The following GANC variants were observed in gnomAD, a reference collection of about 807,000 sequenced individuals.
The protein encoded by GANC is glucosidase alpha, neutral C, also known as neutral alpha-glucosidase C.
A neutral mutation model predicts 124.2 loss-of-function variants in GANC; 117 were observed. The observed-to-expected ratio is 0.94, with a 90% CI of 0.81 to 1.10. GANC has a LOEUF of 1.10. Among genes scored for constraint, GANC ranks in the 50% least tolerant of loss-of-function variants. GANC has a pLI of 0.00. For missense variants in GANC, 1,140 were observed against 1,095.0 expected (o/e 1.04, Z -0.58); for synonymous variants, 377 against 376.8 (o/e 1.00, Z -0.01).
intron 2 of GANC, among the ~76,000 whole-genome samples, chr15:42,276,657 C>T (rs1023225871): frequency 6.6e-5 from 10 of 152,172 alleles, no homozygotes; most frequent in Non-Finnish European, 1.2e-4. Flanking sequence ...AATTTTGACG[C>T]TTTGAATAGA....
At chr15:42,289,805 T>C (rs1165871778) in intron 4 of GANC, among the ~76,000 whole-genome samples, 1 of 152,154 alleles carries the variant, frequency 6.6e-6, no homozygotes, top group Non-Finnish European at 1.5e-5. Context: ...TGACTATATT[T>C]TGAGATAGGG....
chr15:42,329,228 A>C, intron 13 of GANC, 78 bp from the exon 14 acceptor site: 1 of 1,411,166 alleles, frequency 7.1e-7, no homozygotes, highest in Non-Finnish European at 9.7e-7. Context: ...ATAATTTTTA[A>C]AATGAGGTAG....
chr15:42,352,097 C>T lies in GANC; in HGVS notation c.2703C>T (p.Leu901=), dbSNP rs755256014. The change falls in exon 24 of 24, where the codon CTC becomes CTT. Residue 901 remains leucine (L), a synonymous_variant. Transcript: ENST00000318010. ...CATCCATCCTGAGCCTGGAGAAGCT[C>T]TCACTCAACATTGCCACTGACTGGG... ...AKTSILSLEK[L]SLNIATDWEV... 3.1e-6 allele frequency: 5 copies of T among 1,614,062 alleles called. No homozygotes were observed. The highest frequency in any genetic ancestry group is 4.5e-5 in the East Asian group (2 of 44,900).
At chr15:42,290,640 T>C (rs888639026) in intron 4 of GANC, among the ~76,000 whole-genome samples, 2 of 152,006 alleles carry the variant, frequency 1.3e-5, no homozygotes, top group African/African-American at 4.8e-5. Context: ...AGACTGCATC[T>C]CTATAAAAAA....
intron 7 of GANC, 75 bp downstream of exon 7, chr15:42,306,687 T>A: frequency 3.9e-6 from 4 of 1,016,074 alleles, no homozygotes; most frequent in Non-Finnish European, 5.8e-6. Context: ...AAAAGCCCCT[T>A]GATCTCTGGC....
At position 42,273,774 on chromosome 15, in the gene GANC, TGG is replaced by T; in HGVS notation, c.-705_-704del. ...TCCCTTCTAAGTCAATGTCAGACTT[TGG>T]GGCCAGAAAGTCTGGAAAAGCCCTA... On this transcript the variant is annotated 5_prime_UTR_variant, in exon 1 of 24. The change creates a premature stop within an existing upstream ORF in the 5' untranslated region. Transcript: ENST00000318010. The T allele has an allele frequency of 4.5e-6, 1 of 219,788 alleles. No individual in the cohort carries two copies. The highest frequency in any genetic ancestry group is 9.3e-6 in the Non-Finnish European group (1 of 107,104). The allele number at this position is 219,788 out of a possible 1,614,324, so 13.6% of individuals were successfully genotyped here.
Position 42,310,680 on chromosome 15 carries a change from A to G in GANC, c.904-13A>G, listed in dbSNP as rs139559678. On this transcript the variant is annotated splice_polypyrimidine_tract_variant and intron_variant, in intron 9 of 23. Coordinates refer to ENST00000318010, the MANE Select transcript of GANC (RefSeq NM_198141.3). The stretch of plus-strand genomic sequence containing the variant: ...GGGAAATTTCTCAAATTTTTATTCC[A>G]TTCTTTTTCCAGTACACACTGACCC... 513 of 1,597,918 alleles carry G rather than the reference A, an allele frequency of 3.2e-4. 5 individuals carry two copies. In the East Asian group the frequency reaches 0.01, roughly 32 times the overall value.
chr15:42,346,058 C>T (rs2052360490), intron 20 of GANC, among the ~76,000 whole-genome samples: 1 of 152,146 alleles, frequency 6.6e-6, no homozygotes, highest in Non-Finnish European at 1.5e-5. Flanking sequence ...CTACACATGG[C>T]AGAGAGAGAT....
chr15:42,351,789 G>A (rs1054800971), intron 23 of GANC, among the ~76,000 whole-genome samples: 1 of 152,166 alleles, frequency 6.6e-6, no homozygotes, highest in Admixed American at 6.5e-5. Flanking sequence ...CTTGCTTCCT[G>A]AAGTTCTTGG....
chr15:42,342,153 G>A (rs1416026593), intron 18 of GANC, among the ~76,000 whole-genome samples: 1 of 152,180 alleles, frequency 6.6e-6, no homozygotes, highest in Admixed American at 6.5e-5. Flanking sequence ...TATCCCCAGA[G>A]CCTAGCATGG....
In GANC at chr15:42,340,769, T is replaced by C. The variant is rs1379707145; in HGVS notation, c.2152+15T>C. 3 of 996,078 alleles carry C rather than the reference T, an allele frequency of 3.0e-6. No individual in the cohort carries two copies. The highest frequency in any genetic ancestry group is 4.1e-5 in the African/African-American group (2 of 48,376). The allele number at this position is 996,078 out of a possible 1,614,324, so 61.7% of individuals were successfully genotyped here. A position where few individuals can be genotyped will look rare whatever the true frequency, so the allele number is the denominator to read the frequency against. On this transcript the variant is annotated intron_variant, in intron 18 of 23. Coordinates refer to ENST00000318010, the MANE Select transcript of GANC (RefSeq NM_198141.3). The stretch of plus-strand genomic sequence containing the variant: ...ATACATGCTGGGTGAGCATTTCTGT[T>C]TTTTTTTTTTTTTTTGAGACGGAGT...
chr15:42,353,306 T>C lies in GANC; in HGVS notation c.*1167T>C. 4.1e-6 allele frequency: 4 copies of C among 986,220 alleles called. No individual in the cohort carries two copies. In the South Asian group the frequency reaches 1.4e-4, roughly 35 times the overall value. The allele number at this position is 986,220 out of a possible 1,614,324, so 61.1% of individuals were successfully genotyped here. A position where few individuals can be genotyped will look rare whatever the true frequency, so the allele number is the denominator to read the frequency against. ...ACTTGCTAACGGCCACCTCTGTGCCTTCTGATCCCTGGGCGCCAATATCCT... is the reference window on the plus strand; with the variant it reads ...ACTTGCTAACGGCCACCTCTGTGCCCTCTGATCCCTGGGCGCCAATATCCT... On this transcript the variant is annotated 3_prime_UTR_variant, in exon 24 of 24. Coordinates refer to ENST00000318010, the MANE Select transcript of GANC (RefSeq NM_198141.3).
intron 3 of GANC, chr15:42,283,479 G>A: frequency 1.6e-6 from 1 of 608,680 alleles, no homozygotes; most frequent in African/African-American, 1.8e-5. Flanking sequence ...GAAAATGTAT[G>A]CTGTCTTGTG....
At chr15:42,293,281 A>G (rs1026794869) in intron 5 of GANC, among the ~76,000 whole-genome samples, 1 of 152,200 alleles carries the variant, frequency 6.6e-6, no homozygotes, top group Admixed American at 6.5e-5. Context: ...CTAGACTTGA[A>G]TAGTTGTCCA....
chr15:42,341,815 C>T (rs56023975), intron 18 of GANC, among the ~76,000 whole-genome samples: 27 of 152,232 alleles, frequency 1.8e-4, no homozygotes, highest in African/African-American at 6.3e-4. Flanking sequence ...CCACCCACCT[C>T]GGCCTTCCAA....
chr15:42,326,930 G>A (rs942614182), intron 12 of GANC, among the ~76,000 whole-genome samples: 34 of 152,152 alleles, frequency 2.2e-4, no homozygotes, highest in Admixed American at 3.9e-4. Flanking sequence ...AGGAAAATAC[G>A]TTGTTTAGAA....
intron 7 of GANC, among the ~76,000 whole-genome samples, chr15:42,307,060 G>A (rs980897204): frequency 1.3e-5 from 2 of 152,100 alleles, no homozygotes; most frequent in Admixed American, 1.3e-4. Context: ...TTCTCACCAG[G>A]CTTAGTGATG....
chr15:42,277,757 C>T (rs896341109), intron 2 of GANC, among the ~76,000 whole-genome samples: 3 of 151,502 alleles, frequency 2.0e-5, no homozygotes, highest in African/African-American at 4.8e-5. Flanking sequence ...TGCACCACCA[C>T]GCCCGGCTAA....
At position 42,273,522 on chromosome 15, in the gene GANC, T is replaced by C. The variant is rs1324188127; in HGVS notation, c.-960T>C. On this transcript the variant is annotated 5_prime_UTR_variant, in exon 1 of 24. Transcript: ENST00000318010. Reference sequence around the variant, plus strand: ...TGGAAACGTCGCGGAGCTTGTTTGCTGTGCGGCGTAGCGGCCCCTCTCTCA... The same window carrying C: ...TGGAAACGTCGCGGAGCTTGTTTGCCGTGCGGCGTAGCGGCCCCTCTCTCA... 10 of 1,478,378 alleles carry C rather than the reference T, an allele frequency of 6.8e-6. No homozygotes were observed. The East Asian group carries it at 9.7e-5, about 14-fold the overall frequency. 91.6% of individuals were successfully genotyped at this position (1,478,378 alleles called of 1,614,324 possible). A position where few individuals can be genotyped will look rare whatever the true frequency, so the allele number is the denominator to read the frequency against.
Sources: allele counts gnomAD v4.1 joint callset (sites outside exome capture counted in the v4.1 genomes callset), GRCh38; gene constraint gnomAD v4.1.1; transcripts MANE v1.5; gene names NCBI Gene and HGNC (gene_info 2026-07-23, HGNC 2026-07-21).